The following ITPR1 variants were observed in gnomAD, a reference collection of about 807,000 sequenced individuals.
The protein encoded by ITPR1 is inositol 1,4,5-trisphosphate-gated calcium channel ITPR1.
ITPR1 carries 96 observed loss-of-function variants against 318.4 expected under a neutral mutation model. The observed-to-expected ratio is 0.30, with a 90% confidence interval of 0.26 to 0.36. ITPR1 has a LOEUF of 0.36. ITPR1 is among the 10% of genes least tolerant of loss of function. The probability of loss-of-function intolerance (pLI) is 1.00; values close to 1 mark genes in which losing one functional copy is unlikely to be tolerated. For missense variants in ITPR1, 2,440 were observed against 3,460.2 expected (o/e 0.71, Z 7.40); for synonymous variants, 1,312 against 1,289.9 (o/e 1.02, Z -0.37).
intron 10 of ITPR1, among the ~76,000 whole-genome samples, chr3:4,646,241 G>A (rs1228470203): frequency 6.6e-6 from 1 of 152,206 alleles, no homozygotes; most frequent in Non-Finnish European, 1.5e-5. Context: ...TGGTGAAGGT[G>A]GTAAGAGGCA....
chr3:4,564,153 C>T (rs2086974408), intron 4 of ITPR1, among the ~76,000 whole-genome samples: 1 of 152,088 alleles, frequency 6.6e-6, no homozygotes, highest in East Asian at 1.9e-4. Context: ...GTAGGTCAGG[C>T]TGGTCTCGAG....
chr3:4,675,439 T>C (rs1428696814), intron 23 of ITPR1, among the ~76,000 whole-genome samples, 191 bp downstream of exon 23: 1 of 152,272 alleles, frequency 6.6e-6, no homozygotes, highest in African/African-American at 2.4e-5. Context: ...CACGTACCCA[T>C]GACTTTGAGT....
intron 32 of ITPR1, among the ~76,000 whole-genome samples, chr3:4,692,809 A>C (rs2094500236): frequency 6.6e-6 from 1 of 152,184 alleles, no homozygotes; most frequent in African/African-American, 2.4e-5. Context: ...TGTAAAGGGG[A>C]TACATTGTAA....
At chr3:4,657,889 G>A (rs1460833367) in intron 12 of ITPR1, among the ~76,000 whole-genome samples, 10 of 152,196 alleles carry the variant, frequency 6.6e-5, no homozygotes, top group Admixed American at 6.5e-4. Context: ...ACAGGTGTGA[G>A]CCACCGTGCC....
intron 46 of ITPR1, among the ~76,000 whole-genome samples, chr3:4,774,439 T>C (rs1462524858): frequency 6.6e-6 from 1 of 152,234 alleles, no homozygotes; most frequent in Non-Finnish European, 1.5e-5. Context: ...CCATTTTTTT[T>C]ACAGTAAGCA....
At chr3:4,691,480 G>A in intron 32 of ITPR1, 136 bp downstream of exon 32, 1 of 606,610 alleles carries the variant, frequency 1.6e-6, no homozygotes, top group South Asian at 2.3e-5. Context: ...GTGTGCATAT[G>A]TCTGTGTCAT....
At chr3:4,655,051 T>G (rs567089504) in intron 12 of ITPR1, among the ~76,000 whole-genome samples, 7 of 152,334 alleles carry the variant, frequency 4.6e-5, no homozygotes, top group South Asian at 2.1e-4. Flanking sequence ...TGACCCAGTT[T>G]AACCCTCTGT....
chr3:4,688,626 A>T lies in ITPR1; in HGVS notation c.3828+6A>T, dbSNP rs528827648. 2.5e-6 allele frequency: 4 copies of T among 1,611,388 alleles called. No homozygotes were observed. The South Asian group carries it at 3.3e-5, about 13-fold the overall frequency. On this transcript the variant is annotated splice_donor_region_variant and intron_variant, in intron 31 of 61. Transcript: ENST00000649015. ...ACCTGTTTCTCAACCCAGGGGTAAGACTTGAGGCCAATCTGCAAATCTATA... is the reference window on the plus strand; with the variant it reads ...ACCTGTTTCTCAACCCAGGGGTAAGTCTTGAGGCCAATCTGCAAATCTATA...
In ITPR1 at chr3:4,706,239, G is replaced by A. The variant is rs773334973; in HGVS notation, c.4730G>A (p.Ser1577Asn). The A allele has an allele frequency of 1.2e-6, 2 of 1,614,058 alleles. No individual in the cohort carries two copies. Among genetic ancestry groups the A allele is most frequent in the Non-Finnish European group, 1.7e-6 (2 of 1,179,896 alleles). The change falls in exon 37 of 62, where the codon AGC (serine) becomes AAC (asparagine). Residue 1577 changes from serine (S) to asparagine (N), a missense_variant. By Grantham distance (46) the Ser-to-Asn change is conservative (BLOSUM62 1). Coordinates refer to ENST00000649015, the MANE Select transcript of ITPR1 (RefSeq NM_001378452.1). The part of the protein sequence containing the change: ...QVNNLFLKSH[S>N]IVQKTAMNWR... ...AACAACCTCTTTCTCAAGTCCCACA[G>A]CATTGTGCAGAAAACAGCCATGAAC...
chr3:4,614,302 C>T (rs1031217616), intron 4 of ITPR1, among the ~76,000 whole-genome samples: 5 of 152,146 alleles, frequency 3.3e-5, no homozygotes, highest in African/African-American at 1.2e-4. Context: ...GAAATTCATC[C>T]ATGTTGTAAC....
chr3:4,675,043 T>G lies in ITPR1; in HGVS notation c.2599-25T>G, dbSNP rs563016275. The G allele has an allele frequency of 4.3e-5, 58 of 1,343,480 alleles. No homozygotes were observed. In the Admixed American group the frequency reaches 8.6e-4, roughly 20 times the overall value. 83.2% of individuals were successfully genotyped at this position (1,343,480 alleles called of 1,614,324 possible). On this transcript the variant is annotated intron_variant, in intron 22 of 61. Coordinates refer to ENST00000649015, the MANE Select transcript of ITPR1 (RefSeq NM_001378452.1). ...GGGATGCAGTTTATGTAATACCGTCTTCTTCTTTTATTTTAATACAATAGG... is the reference window on the plus strand; with the variant it reads ...GGGATGCAGTTTATGTAATACCGTCGTCTTCTTTTATTTTAATACAATAGG...
chr3:4,840,608 GA>G (rs1559992660), intron 61 of ITPR1, among the ~76,000 whole-genome samples: 1 of 152,076 alleles, frequency 6.6e-6, no homozygotes, highest in Admixed American at 6.6e-5. Flanking sequence ...CAATCTGAGG[GA>G]AAAAAGTTCT....
At chr3:4,507,994 C>T (rs192136635) in intron 2 of ITPR1, among the ~76,000 whole-genome samples, 11 of 152,232 alleles carry the variant, frequency 7.2e-5, no homozygotes, top group Non-Finnish European at 1.3e-4. Context: ...ATAAGATTTT[C>T]ACTGTTAAGG....
rs529941553 is a variant in ITPR1, at chr3:4,689,566, C to G, written c.3828+946C>G. Among the ~76,000 whole-genome samples, 8 of 152,258 alleles carry G rather than the reference C, an allele frequency of 5.3e-5. No individual in the cohort carries two copies. The East Asian group carries it at 1.5e-3, about 29-fold the overall frequency. On this transcript the variant is annotated intron_variant, in intron 31 of 61. Transcript: ENST00000649015. ...TATTCCCAAATCCAAAATGTGAAAC[C>G]CTTGTGCTCCCAAGCATTTTGGATG... is the stretch of plus-strand genomic sequence containing the variant.
intron 46 of ITPR1, 143 bp from the exon 47 acceptor site, chr3:4,775,099 A>G: frequency 1.4e-6 from 1 of 695,120 alleles, no homozygotes; most frequent in Non-Finnish European, 2.6e-6. Context: ...GGTGGGGGGC[A>G]TACTGACTCT....
chr3:4,652,238 G>A lies in ITPR1; in HGVS notation c.951+20G>A, dbSNP rs761236661. The A allele has an allele frequency of 1.9e-6, 3 of 1,583,046 alleles. No homozygotes were observed. Among genetic ancestry groups the A allele is most frequent in the Non-Finnish European group, 2.6e-6 (3 of 1,157,058 alleles). On this transcript the variant is annotated intron_variant, in intron 11 of 61. Coordinates refer to ENST00000649015, the MANE Select transcript of ITPR1 (RefSeq NM_001378452.1). ...GCAGAGGTAAGTAGCAGCTCCTGTG[G>A]TTTTCTCTTTCAAGGCTGACGCACC...
chr3:4,639,506 G>T (rs1157050512), intron 6 of ITPR1, 36 bp downstream of exon 6: 4 of 1,434,742 alleles, frequency 2.8e-6, no homozygotes, highest in Admixed American at 3.9e-5. Context: ...TGAAGCTGAA[G>T]CGTTACAAAG....
chr3:4,520,751 G>A (rs950874699), intron 3 of ITPR1, among the ~76,000 whole-genome samples: 3 of 152,118 alleles, frequency 2.0e-5, no homozygotes, highest in African/African-American at 7.2e-5. Context: ...CAGCCACCTT[G>A]CATGCTATAC....
intron 44 of ITPR1, among the ~76,000 whole-genome samples, chr3:4,745,841 C>T (rs566919470): frequency 3.8e-4 from 58 of 152,346 alleles, no homozygotes; most frequent in African/African-American, 1.4e-3. Context: ...TTTGCCCTCT[C>T]GTGTTCCATA....
Sources: gnomAD v4.1 joint callset for allele counts (sites outside exome capture counted in the v4.1 genomes callset) on GRCh38, gnomAD v4.1.1 for gene constraint, MANE v1.5 for transcripts, NCBI Gene and HGNC (gene_info 2026-07-23, HGNC 2026-07-21) for gene names.